The following CDH9 variants were observed in gnomAD, a reference collection of about 807,000 sequenced individuals.
CDH9 encodes cadherin 9, also known as cadherin-9.
Under a neutral mutation model 70.9 loss-of-function variants are expected in CDH9, and 28 were observed. The observed-to-expected ratio is 0.40, with a 90% CI of 0.29 to 0.54. The LOEUF is 0.54. CDH9 is among the 20% of genes least tolerant of loss of function. CDH9 has a pLI of 0.59. For missense variants in CDH9, 874 were observed against 984.4 expected, an observed-to-expected ratio of 0.89 and a Z score of 1.50; for synonymous variants, 409 against 343.1, an observed-to-expected ratio of 1.19 and a Z score of -2.12.
At chr5:27,021,963 G>A (rs184988613) in intron 1 of CDH9, among the ~76,000 whole-genome samples, 7 of 151,914 alleles carry the variant, frequency 4.6e-5, no homozygotes, top group Non-Finnish European at 8.8e-5. Context: ...ATTCACTATC[G>A]GATACTCTCG....
intron 3 of CDH9, among the ~76,000 whole-genome samples, chr5:26,909,836 A>C (rs1349683935): frequency 6.6e-6 from 1 of 151,992 alleles, no homozygotes; most frequent in African/African-American, 2.4e-5. Flanking sequence ...TAATTCTATA[A>C]TAGTAAATCA....
chr5:26,980,222 A>T (rs1222667494), intron 2 of CDH9, among the ~76,000 whole-genome samples: 1 of 151,884 alleles, frequency 6.6e-6, no homozygotes, highest in East Asian at 1.9e-4. Context: ...GTCATGTACA[A>T]ATATTTTCTC....
At chr5:26,931,022 A>G (rs1741453346) in intron 2 of CDH9, among the ~76,000 whole-genome samples, 2 of 152,292 alleles carry the variant, frequency 1.3e-5, no homozygotes, top group Admixed American at 6.5e-5. Flanking sequence ...ATGTATTTCC[A>G]CTATAAAGAT....
chr5:27,026,002 GT>G lies in CDH9; in HGVS notation c.-50+12460del, dbSNP rs547475576. Among the ~76,000 whole-genome samples the G allele has an allele frequency of 1.3e-3, 205 of 152,042 alleles. 2 individuals carry two copies. The highest frequency in any genetic ancestry group is 2.2e-3 in the Non-Finnish European group (151 of 67,926). ...TAACCAGGAGGCACTGGAGAACTAA[GT>G]TTTTTGGACACTCACAGTTAAAATT... On this transcript the variant is annotated intron_variant, in intron 1 of 11. Transcript: ENST00000231021.
At chr5:26,904,077 T>G (rs556074955) in intron 5 of CDH9, among the ~76,000 whole-genome samples, 1 of 152,070 alleles carries the variant, frequency 6.6e-6, no homozygotes, top group African/African-American at 2.4e-5. Context: ...ATTTAGACTA[T>G]AGATGGTAGG....
chr5:26,888,827 G>A (rs72744732), intron 9 of CDH9, among the ~76,000 whole-genome samples: 52,307 of 151,984 alleles, frequency 0.34, 10,314 homozygotes, highest in Non-Finnish European at 0.45. Flanking sequence ...GCTCTCATAT[G>A]GCTTTTCCTT....
At chr5:26,963,683 T>C (rs1742078265) in intron 2 of CDH9, among the ~76,000 whole-genome samples, 1 of 152,096 alleles carries the variant, frequency 6.6e-6, no homozygotes, top group African/African-American at 2.4e-5. Flanking sequence ...ACCCTTACCA[T>C]ATAATCTGCG....
chr5:26,924,046 A>G (rs1002357031), intron 2 of CDH9, among the ~76,000 whole-genome samples: 1 of 152,046 alleles, frequency 6.6e-6, no homozygotes, highest in African/African-American at 2.4e-5. Context: ...AATAATAAAG[A>G]TCAGAACAGA....
chr5:26,941,764 TCC>T (rs34294635), intron 2 of CDH9, among the ~76,000 whole-genome samples: 9,594 of 152,292 alleles, frequency 0.063, 365 homozygotes, highest in Middle Eastern at 0.16. Context: ...AATTTTACTG[TCC>T]CACACTTGCT....
At chr5:27,036,090 T>C (rs1743388300) in intron 1 of CDH9, among the ~76,000 whole-genome samples, 1 of 151,904 alleles carries the variant, frequency 6.6e-6, no homozygotes, top group East Asian at 1.9e-4. Flanking sequence ...CTCTAAAGCA[T>C]TCTTATTAAC....
intron 4 of CDH9, 119 bp from the exon 5 acceptor site, chr5:26,906,245 A>C (rs1005816666): frequency 3.9e-6 from 3 of 763,014 alleles, no homozygotes; most frequent in South Asian, 1.8e-5. Context: ...GTGTATTTAA[A>C]TATGTCCTTC....
At chr5:27,001,757 A>C (rs1742772509) in intron 1 of CDH9, among the ~76,000 whole-genome samples, 1 of 151,980 alleles carries the variant, frequency 6.6e-6, no homozygotes, top group African/African-American at 2.4e-5. Context: ...AAAAATGGCT[A>C]AGATTAGAGA....
chr5:27,000,990 G>A (rs1742757603), intron 1 of CDH9, among the ~76,000 whole-genome samples: 1 of 152,052 alleles, frequency 6.6e-6, no homozygotes, highest in Non-Finnish European at 1.5e-5. Context: ...AAGCAAAGGA[G>A]ACATTTTGGG....
Position 26,940,604 on chromosome 5 carries a change from A to G in CDH9, c.229-24680T>C, listed in dbSNP as rs1579464487. Among the ~76,000 whole-genome samples, 5 of 152,300 alleles carry G rather than the reference A, an allele frequency of 3.3e-5. No homozygotes were observed. The East Asian group carries it at 5.8e-4, about 18-fold the overall frequency. On this transcript the variant is annotated intron_variant, in intron 2 of 11. Transcript: ENST00000231021. ...GCCTCTTTTACTAAGGAAATATCCA[A>G]TAACACCCTAGTAGATATCCAGGAA...
intron 2 of CDH9, among the ~76,000 whole-genome samples, chr5:26,934,099 A>G (rs1741517630): frequency 6.6e-6 from 1 of 152,132 alleles, no homozygotes; most frequent in African/African-American, 2.4e-5. Context: ...ATTGTATGGC[A>G]AGAAAGGAAG....
At chr5:26,903,524 G>C (rs1740892334) in intron 6 of CDH9, 113 bp downstream of exon 6, 1 of 785,936 alleles carries the variant, frequency 1.3e-6, no homozygotes, top group Non-Finnish European at 2.3e-6. Context: ...CTGAAGGATA[G>C]ACAGCATGTA....
At chr5:26,954,439 C>T (rs1363387494) in intron 2 of CDH9, among the ~76,000 whole-genome samples, 21 of 115,980 alleles carry the variant, frequency 1.8e-4, no homozygotes, top group African/African-American at 6.9e-4. Context: ...GGCTGGAGTG[C>T]AGTGGCGCCA....
chr5:26,944,869 C>A (rs896168609), intron 2 of CDH9, among the ~76,000 whole-genome samples: 1 of 152,006 alleles, frequency 6.6e-6, no homozygotes, highest in African/African-American at 2.4e-5. Context: ...CTCTTCTTAA[C>A]TTATACTATT....
intron 4 of CDH9, 63 bp from the exon 5 acceptor site, chr5:26,906,189 C>T: frequency 1.4e-6 from 2 of 1,400,274 alleles, no homozygotes; most frequent in Non-Finnish European, 2.0e-6. Flanking sequence ...TTAAGCTAGA[C>T]AAGACTCATT....
Sources: allele counts gnomAD v4.1 joint callset (sites outside exome capture counted in the v4.1 genomes callset), GRCh38; gene constraint gnomAD v4.1.1; transcripts MANE v1.5; gene names NCBI Gene and HGNC (gene_info 2026-07-23, HGNC 2026-07-21).